WNT5B: variants seen among roughly 807,000 people sequenced by gnomAD.
WNT5B encodes the protein protein Wnt-5b.
In WNT5B, 18 loss-of-function variants were observed where a neutral mutation model predicts 36.5. The observed-to-expected ratio is 0.49, with a 90% CI of 0.34 to 0.73. The LOEUF (loss-of-function observed/expected upper bound fraction) is 0.73. WNT5B is among the 30% of genes least tolerant of loss of function. The pLI is 0.01. For synonymous variants in WNT5B, 213 were observed against 212.3 expected (o/e 1.00, Z -0.03); for missense variants, 424 against 508.4 (o/e 0.83, Z 1.60).
chr12:1,639,161 A>G (rs370701261), intron 3 of WNT5B, among the ~76,000 whole-genome samples: 41 of 151,162 alleles, frequency 2.7e-4, no homozygotes, highest in East Asian at 5.9e-4. Context: ...TTTTTGAGAC[A>G]GAGTCTCACT....
At position 1,620,766 on chromosome 12, in the gene WNT5B, C is replaced by T. The variant is rs1207962553; in HGVS notation, c.-58+3623C>T. On this transcript the variant is annotated intron_variant, in intron 1 of 4. Coordinates refer to the WNT5B transcript ENST00000310594. ...GTGGCCAGGCTGGGGTGCAATGGCA[C>T]GACCTTGGCTCACTGCAACCTCCAC... Among the ~76,000 whole-genome samples the T allele has an allele frequency of 3.3e-5, 5 of 149,906 alleles. No homozygotes were observed. The East Asian group carries it at 6.1e-4, about 18-fold the overall frequency.
rs1272170104 is a variant in WNT5B at position 1,623,184 on chromosome 12, G to GGTTTTTTTTT, written c.-58+6041_-58+6042insGTTTTTTTTT. Among the ~76,000 whole-genome samples the GGTTTTTTTTT allele has an allele frequency of 1.1e-3, 60 of 53,510 alleles. 4 individuals carry two copies. Among genetic ancestry groups the GGTTTTTTTTT allele is most frequent in the African/African-American group, 4.4e-3 (60 of 13,592 alleles). 35.1% of individuals were successfully genotyped at this position (53,510 alleles called of 152,430 possible). A position where few individuals can be genotyped will look rare whatever the true frequency, so the allele number is the denominator to read the frequency against. Reference sequence around the variant, plus strand: ...ATAGGAAACCTTTGAAGGGTTTTTTGTTGTTTTTTTTTTTTTTTTTTTTTT... The same window carrying GGTTTTTTTTT: ...ATAGGAAACCTTTGAAGGGTTTTTTGGTTTTTTTTTTTGTTTTTTTTTTTTTTTTTTTTTT... On this transcript the variant is annotated intron_variant, in intron 1 of 4. Coordinates refer to the WNT5B transcript ENST00000310594.
At chr12:1,636,419 G>T (rs146632618) in intron 3 of WNT5B, among the ~76,000 whole-genome samples, 35 of 146,886 alleles carry the variant, frequency 2.4e-4, no homozygotes, top group African/African-American at 8.8e-4. Flanking sequence ...TTATAAATGG[G>T]ATTATAGAAT....
At position 1,646,218 on chromosome 12, in the gene WNT5B, G is replaced by C. The variant is rs1006041572; in HGVS notation, c.1046G>C (p.Cys349Ser). The C allele has an allele frequency of 1.2e-6, 2 of 1,613,412 alleles. No individual in the cohort carries two copies. The highest frequency in any genetic ancestry group is 1.7e-6 in the Non-Finnish European group (2 of 1,179,888). Residue 349 changes from cysteine (C) to serine (S), a missense_variant, in exon 5 of 5, where the codon TGC (cysteine) becomes TCC (serine). By Grantham distance (112) the Cys-to-Ser change is moderately radical (BLOSUM62 -1). Coordinates refer to ENST00000397196, the MANE Select transcript of WNT5B (RefSeq NM_032642.3). The part of the protein sequence containing the change: ...HWCCFVRCKK[C>S]TEIVDQYICK ...TGCTGCTTCGTCAGGTGTAAGAAGT[G>C]CACGGAGATCGTGGACCAGTACATC... is the stretch of plus-strand genomic sequence containing the variant.
chr12:1,625,440 G>A (rs1266158928), upstream of WNT5B, among the ~76,000 whole-genome samples: 1 of 152,206 alleles, frequency 6.6e-6, no homozygotes, highest in East Asian at 1.9e-4. Context: ...GAAATGAGTG[G>A]CCAAAGGGAG....
At chr12:1,622,203 C>CCT (rs2094534858) in intron 1 of WNT5B, among the ~76,000 whole-genome samples, 3 of 151,188 alleles carry the variant, frequency 2.0e-5, no homozygotes, top group African/African-American at 7.3e-5. Flanking sequence ...CTCCGCTTCC[C>CCT]GGGTTCACGC....
intron 3 of WNT5B, among the ~76,000 whole-genome samples, chr12:1,634,459 G>A (rs2094556778): frequency 6.6e-6 from 1 of 152,182 alleles, no homozygotes; most frequent in Admixed American, 6.5e-5. Flanking sequence ...AAGTGAGGCT[G>A]TACTTTAGGA....
rs575126042 is a variant in WNT5B at position 1,644,483 on chromosome 12, G to T, written c.622-1311G>T. Among the ~76,000 whole-genome samples the T allele has an allele frequency of 8.5e-5, 13 of 152,340 alleles. No homozygotes were observed. The East Asian group carries it at 1.2e-3, about 14-fold the overall frequency. ...TTCCGTACCAGAAAAAACTCAGGAA[G>T]ACTTTTGCCAACAGTCATATGCACT... On this transcript the variant is annotated intron_variant, in intron 4 of 4. Coordinates refer to ENST00000397196, the MANE Select transcript of WNT5B (RefSeq NM_032642.3). This position sits in a 1 kb window ranked among gnomAD's most constrained non-coding sequence, Gnocchi z 5.1.
At position 1,632,813 on chromosome 12, in the gene WNT5B, G is replaced by C. The variant is rs1315728376; in HGVS notation, c.236G>C (p.Gly79Ala). 3 of 1,614,192 alleles carry C rather than the reference G, an allele frequency of 1.9e-6. No individual in the cohort carries two copies. The South Asian group carries it at 3.3e-5, about 18-fold the overall frequency. ...MAYIGEGAKT[G>A]IKECQHQFRQ... is the part of the protein sequence containing the mutation. ...TACATAGGGGAGGGAGCCAAGACTGGCATCAAGGAATGCCAGCACCAGTTC... is the reference window on the plus strand; with the variant it reads ...TACATAGGGGAGGGAGCCAAGACTGCCATCAAGGAATGCCAGCACCAGTTC... The change falls in exon 3 of 5, where the codon GGC becomes GCC. Residue 79 changes from glycine to alanine, a missense_variant. By Grantham distance (60) the Gly-to-Ala change is moderately conservative (BLOSUM62 0). Coordinates refer to ENST00000397196, the MANE Select transcript of WNT5B (RefSeq NM_032642.3). This position sits in a 1 kb window ranked among gnomAD's most constrained non-coding sequence, Gnocchi z 5.8.
chr12:1,639,962 G>C lies in WNT5B; in HGVS notation c.607G>C (p.Glu203Gln), dbSNP rs267603398. 1 of 1,612,628 alleles carries C rather than the reference G, an allele frequency of 6.2e-7. No individual in the cohort carries two copies. The highest frequency in any genetic ancestry group is 8.5e-7 in the Non-Finnish European group (1 of 1,179,524). The change falls in exon 4 of 5, where the codon GAG becomes CAG. Residue 203 changes from glutamate (E) to glutamine (Q), a missense_variant. Coordinates refer to ENST00000397196, the MANE Select transcript of WNT5B (RefSeq NM_032642.3). ...GRVLMNLQNN[E>Q]AGRRAVYKMA... The stretch of plus-strand genomic sequence containing the variant: ...GGTGCTCATGAACCTGCAAAACAAC[G>C]AGGCCGGTCGCAGGGTAAGCTGGGC...
At chr12:1,620,219 CCCTTGG>C in intron 1 of WNT5B, among the ~76,000 whole-genome samples, 1 of 152,190 alleles carries the variant, frequency 6.6e-6, no homozygotes, top group East Asian at 1.9e-4. Context: ...ACAGCCCCCT[CCCTTGG>C]AAACCACTCC....
intron 3 of WNT5B, among the ~76,000 whole-genome samples, chr12:1,637,173 C>T (rs575697252): frequency 6.6e-6 from 1 of 152,224 alleles, no homozygotes; most frequent in South Asian, 2.1e-4. Flanking sequence ...GAATAATATT[C>T]CATTGTATGG....
In WNT5B at chr12:1,618,530, T is replaced by C. The variant is rs7136956; in HGVS notation, c.-58+1387T>C. ...CTCCAGCCCTTGAAAACAAAGTCCA[T>C]AGCCTTGTTCTCTTGAAACAATTCC... On this transcript the variant is annotated intron_variant, in intron 1 of 4. Coordinates refer to the WNT5B transcript ENST00000310594. The surrounding 1 kb of genome is among the most constrained non-coding windows in gnomAD (Gnocchi z 4.1). 0.26 allele frequency among the ~76,000 whole-genome samples: 40,149 copies of C among 152,156 alleles called. 6,163 individuals are homozygous for C. The highest frequency in any genetic ancestry group is 0.41 in the African/African-American group (17,020 of 41,468).
rs2094548105 is a variant in WNT5B at position 1,630,335 on chromosome 12, T to C, written c.-57-963T>C. ...CGTGTGTCCCGAGGCGCAGGCTCGCTCTAGCAGCACTGACCTGCTGCGGGT... is the reference window on the plus strand; with the variant it reads ...CGTGTGTCCCGAGGCGCAGGCTCGCCCTAGCAGCACTGACCTGCTGCGGGT... On this transcript the variant is annotated intron_variant, in intron 1 of 4. Transcript: ENST00000397196. The surrounding 1 kb of genome is among the most constrained non-coding windows in gnomAD (Gnocchi z 5.3). The C allele has an allele frequency of 4.3e-6, 3 of 694,526 alleles. No homozygotes were observed. Among genetic ancestry groups the C allele is most frequent in the Non-Finnish European group, 5.3e-6 (3 of 564,676 alleles). 43.0% of individuals were successfully genotyped at this position (694,526 alleles called of 1,614,324 possible). A position where few individuals can be genotyped will look rare whatever the true frequency, so the allele number is the denominator to read the frequency against.
intron 4 of WNT5B, among the ~76,000 whole-genome samples, chr12:1,642,658 G>A (rs1304048361): frequency 6.6e-6 from 1 of 152,126 alleles, no homozygotes; most frequent in East Asian, 1.9e-4. Context: ...GATCAGGCAG[G>A]TGACACCCAC....
chr12:1,623,696 T>G (rs60739367), intron 1 of WNT5B, among the ~76,000 whole-genome samples: 1 of 152,180 alleles, frequency 6.6e-6, no homozygotes, highest in Non-Finnish European at 1.5e-5. Context: ...CCAAACCTTA[T>G]GTTTCTTCAC....
rs924258657 is a variant in WNT5B, at chr12:1,633,050, G to A, written c.328+145G>A. 5.1e-5 allele frequency: 62 copies of A among 1,215,432 alleles called. No individual in the cohort carries two copies. The highest frequency in any genetic ancestry group is 2.9e-4 in the East Asian group (12 of 40,872). 75.3% of individuals were successfully genotyped at this position (1,215,432 alleles called of 1,614,324 possible). A position where few individuals can be genotyped will look rare whatever the true frequency, so the allele number is the denominator to read the frequency against. On this transcript the variant is annotated intron_variant, in intron 3 of 4. Transcript: ENST00000397196. The surrounding 1 kb of genome is among the most constrained non-coding windows in gnomAD (Gnocchi z 4.8). Reference sequence around the variant, plus strand: ...TAGGCTTGGCAGCAGTGTGCACCACGAGAGAGGCACACGAGGAAGCAGGCT... The same window carrying A: ...TAGGCTTGGCAGCAGTGTGCACCACAAGAGAGGCACACGAGGAAGCAGGCT...
intron 1 of WNT5B, among the ~76,000 whole-genome samples, chr12:1,619,335 C>A (rs187875346): frequency 6.6e-6 from 1 of 152,202 alleles, no homozygotes; most frequent in Admixed American, 6.5e-5. Flanking sequence ...CAAAAGAATA[C>A]TATGCCTCAG....
At chr12:1,639,249 T>G (rs936108395) in intron 3 of WNT5B, among the ~76,000 whole-genome samples, 2 of 151,442 alleles carry the variant, frequency 1.3e-5, no homozygotes, top group Admixed American at 6.6e-5. Context: ...GCCATTCTCC[T>G]GCCTCAGCCT....
Sources: gnomAD v4.1 joint callset for allele counts (sites outside exome capture counted in the v4.1 genomes callset) on GRCh38, gnomAD v4.1.1 for gene constraint, Gnocchi (gnomAD v3.1) non-coding constraint, MANE v1.5 for transcripts, NCBI Gene and HGNC (gene_info 2026-07-23, HGNC 2026-07-21) for gene names.